Variants in TPM4 observed in about 807,000 individuals in gnomAD.
TPM4 encodes tropomyosin 4, also known as tropomyosin alpha-4 chain.
Under a neutral mutation model 35.8 loss-of-function variants are expected in TPM4, and 17 were observed. That is an observed-to-expected ratio of 0.47 (90% confidence interval 0.32 to 0.71). TPM4 has a LOEUF of 0.71. Among genes scored for constraint, TPM4 ranks in the 30% least tolerant of loss-of-function variants. The probability of loss-of-function intolerance (pLI) is 0.03; values close to 1 mark genes in which losing one functional copy is unlikely to be tolerated. For synonymous variants in TPM4, 120 were observed against 122.9 expected, an observed-to-expected ratio of 0.98 and a Z score of 0.15; for missense variants, 240 against 320.9, an observed-to-expected ratio of 0.75 and a Z score of 1.93.
At chr19:16,085,521 G>T (rs901327508) in intron 2 of TPM4, among the ~76,000 whole-genome samples, 25 of 150,372 alleles carry the variant, frequency 1.7e-4, no homozygotes, top group African/African-American at 5.4e-4. Flanking sequence ...AGCTCTCAGG[G>T]CACCACTGCA....
chr19:16,098,668 C>G (rs1462699732), intron 7 of TPM4, among the ~76,000 whole-genome samples: 3 of 151,946 alleles, frequency 2.0e-5, no homozygotes, highest in Non-Finnish European at 2.9e-5. Context: ...AGGCCTGGCG[C>G]AGTGGCTCAC....
upstream of TPM4, among the ~76,000 whole-genome samples, chr19:16,071,721 C>T (rs1299171019): frequency 6.6e-6 from 1 of 152,200 alleles, no homozygotes; most frequent in East Asian, 1.9e-4. Flanking sequence ...GAGCAGCTCT[C>T]GGGCCAGCCT....
intron 1 of TPM4, chr19:16,077,092 G>C (rs1442642920): frequency 2.4e-5 from 4 of 168,370 alleles, no homozygotes; most frequent in Non-Finnish European, 5.1e-5. Flanking sequence ...ACTTGTGGGG[G>C]AGAATGAGGA....
chr19:16,083,730 G>A (rs1347430192), intron 2 of TPM4, among the ~76,000 whole-genome samples: 1 of 148,092 alleles, frequency 6.8e-6, no homozygotes, highest in East Asian at 2.0e-4. Context: ...TGCTTTTGCA[G>A]TATAAACACC....
rs111281129 is a variant in TPM4, at chr19:16,080,945, A to G, written c.133-968A>G. ...AACACCTTGAAAAGCCAATAACACT[A>G]TTGGGGTATGTCTTCCATGCCTGCA... On this transcript the variant is annotated intron_variant, in intron 1 of 7. Transcript: ENST00000643579. 3.0e-3 allele frequency: 1,176 copies of G among 398,114 alleles called. 5 individuals are homozygous for G. Among genetic ancestry groups the G allele is most frequent in the African/African-American group, 0.021 (1,000 of 48,684 alleles). 24.7% of individuals were successfully genotyped at this position (398,114 alleles called of 1,614,324 possible).
At chr19:16,076,195 G>T, upstream of TPM4, 2 of 1,552,226 alleles carry the variant, frequency 1.3e-6, no homozygotes, top group Non-Finnish European at 1.7e-6. Context: ...GGATGCGGGA[G>T]CCCGCGGCGG....
intron 2 of TPM4, among the ~76,000 whole-genome samples, chr19:16,082,782 A>G (rs578061029): frequency 3.9e-4 from 59 of 152,260 alleles, no homozygotes; most frequent in Non-Finnish European, 6.9e-4. Flanking sequence ...GCCTGAGCTC[A>G]GGAGTTCAAG....
chr19:16,076,404 C>T (rs2090405665), upstream of TPM4: 1 of 1,367,450 alleles, frequency 7.3e-7, no homozygotes, highest in African/African-American at 1.5e-5. Flanking sequence ...GCCGGGTGAC[C>T]TCATCGCCCC....
In TPM4 at chr19:16,101,297, G is replaced by A; in HGVS notation, c.698G>A (p.Gly233Asp). 6.2e-7 allele frequency: 1 copy of A among 1,608,968 alleles called. No individual in the cohort carries two copies. The highest frequency in any genetic ancestry group is 8.5e-7 in the Non-Finnish European group (1 of 1,177,570). Reference sequence around the variant, plus strand: ...GCCCAGGCCAAAGAAGAGAACGTGGGCTTACATCAGACACTGGATCAGACA... The same window carrying A: ...GCCCAGGCCAAAGAAGAGAACGTGGACTTACATCAGACACTGGATCAGACA... The part of the protein sequence containing the change: ...KLAQAKEENV[G>D]LHQTLDQTLN... Residue 233 changes from glycine to aspartate, a missense_variant, in exon 8 of 8, where the codon GGC (glycine) becomes GAC (aspartate). Transcript: ENST00000643579.
chr19:16,075,977 G>A (rs1638862544), upstream of TPM4: 4 of 1,542,728 alleles, frequency 2.6e-6, no homozygotes, highest in African/African-American at 1.4e-5. Flanking sequence ...TATTGGGGGG[G>A]ACCGCCCCTG....
intron 4 of TPM4, 164 bp downstream of exon 4, chr19:16,088,261 TG>T: frequency 7.1e-7 from 1 of 1,403,600 alleles, no homozygotes; most frequent in Non-Finnish European, 9.6e-7. Flanking sequence ...GACAAAGAGG[TG>T]GTGACTTGTT....
chr19:16,093,486 G>T, intron 5 of TPM4, 50 bp from the exon 6 acceptor site: 2 of 1,608,102 alleles, frequency 1.2e-6, no homozygotes, highest in Non-Finnish European at 8.5e-7. Context: ...GAGCCACCAT[G>T]CCTGGCTGGG....
At chr19:16,068,842 C>T (rs762477530) in intron 2 of TPM4, among the ~76,000 whole-genome samples, 4 of 152,106 alleles carry the variant, frequency 2.6e-5, no homozygotes, top group Non-Finnish European at 5.9e-5. Context: ...TCTATCTGTA[C>T]ATGCACATAT....
upstream of TPM4, among the ~76,000 whole-genome samples, chr19:16,072,317 G>C (rs1166494205): frequency 6.6e-6 from 1 of 152,240 alleles, no homozygotes; most frequent in Non-Finnish European, 1.5e-5. Flanking sequence ...CCGGACCAGA[G>C]GGAGGGACAG....
chr19:16,086,357 AG>A, intron 2 of TPM4, 65 bp from the exon 3 acceptor site: 11 of 1,396,264 alleles, frequency 7.9e-6, no homozygotes, highest in Non-Finnish European at 9.1e-6. Flanking sequence ...CTGAAAGAAA[AG>A]ATAGATGAGA....
chr19:16,085,821 C>T (rs1421947842), intron 2 of TPM4, among the ~76,000 whole-genome samples: 1 of 152,116 alleles, frequency 6.6e-6, no homozygotes, highest in Non-Finnish European at 1.5e-5. Flanking sequence ...GTAATCCCAG[C>T]ACTCTGGGAG....
intron 4 of TPM4, chr19:16,088,383 A>G: frequency 7.9e-7 from 1 of 1,268,386 alleles, no homozygotes; most frequent in Non-Finnish European, 1.0e-6. Context: ...ATTTTCCCAG[A>G]GAGGATATCT....
rs1177382910 is a variant in TPM4 at position 16,076,507 on chromosome 19, C to T, written c.-59C>T. The T allele has an allele frequency of 1.1e-5, 15 of 1,367,986 alleles. No homozygotes were observed. The highest frequency in any genetic ancestry group is 3.2e-5 in the East Asian group (1 of 31,650). The allele number at this position is 1,367,986 out of a possible 1,614,324, so 84.7% of individuals were successfully genotyped here. A position where few individuals can be genotyped will look rare whatever the true frequency, so the allele number is the denominator to read the frequency against. ...CCGGGGCGCGGCTGTGCAGCTCTCG[C>T]CGGAGCCGAGCCCAGCCGAGCGTCC... On this transcript the variant is annotated 5_prime_UTR_variant, in exon 1 of 8. Transcript: ENST00000643579.
At chr19:16,073,958 A>AAAAC (rs1455511715), upstream of TPM4, among the ~76,000 whole-genome samples, 2 of 120,268 alleles carry the variant, frequency 1.7e-5, no homozygotes, top group African/African-American at 6.4e-5. Context: ...AAAAAAAAAA[A>AAAAC]AACGCAAAAA....
Sources: allele counts gnomAD v4.1 joint callset (sites outside exome capture counted in the v4.1 genomes callset), GRCh38; gene constraint gnomAD v4.1.1; transcripts MANE v1.5; gene names NCBI Gene and HGNC (gene_info 2026-07-23, HGNC 2026-07-21).